PDZD7: variants seen among roughly 807,000 people sequenced by gnomAD.
The protein encoded by PDZD7 is PDZ domain-containing protein 7.
In PDZD7, 72 loss-of-function variants were observed where a neutral mutation model predicts 84.7. That is an observed-to-expected ratio of 0.85 (90% CI 0.70 to 1.03). The LOEUF (loss-of-function observed/expected upper bound fraction) is 1.03, where lower values mean the gene tolerates loss of function less well. Ranked by LOEUF, PDZD7 falls within the 50% of genes least tolerant of loss-of-function variation. The pLI, the probability that PDZD7 is intolerant of heterozygous loss-of-function variation, is 0.00. For synonymous variants in PDZD7, 594 were observed against 580.7 expected (o/e 1.02, Z -0.33); for missense variants, 1,490 against 1,412.9 (o/e 1.05, Z -0.87).
At chr10:101,028,136 C>T (rs1308991408) in intron 2 of PDZD7, among the ~76,000 whole-genome samples, 1 of 152,154 alleles carries the variant, frequency 6.6e-6, no homozygotes, top group Non-Finnish European at 1.5e-5. Context: ...GAATTCTGAG[C>T]TCAGAGGGTC....
At chr10:101,026,816 TG>T (rs1382918052) in intron 2 of PDZD7, among the ~76,000 whole-genome samples, 1 of 151,362 alleles carries the variant, frequency 6.6e-6, no homozygotes, top group Non-Finnish European at 1.5e-5. Context: ...AGGACAGATG[TG>T]GGGGGCCAGG....
intron 2 of PDZD7, among the ~76,000 whole-genome samples, chr10:101,026,462 T>C (rs149438508): frequency 0.012 from 1,018 of 82,394 alleles, 11 homozygotes; most frequent in African/African-American, 0.044. Context: ...AGGACTCTGA[T>C]GGGTGGGATT....
In PDZD7 at chr10:101,024,187, A is replaced by T. The variant is rs1937586464; in HGVS notation, c.227-119T>A. 46 of 1,415,380 alleles carry T rather than the reference A, an allele frequency of 3.3e-5. No homozygotes were observed. In the South Asian group the frequency reaches 5.4e-4, roughly 16 times the overall value. The allele number at this position is 1,415,380 out of a possible 1,614,324, so 87.7% of individuals were successfully genotyped here. A position where few individuals can be genotyped will look rare whatever the true frequency, so the allele number is the denominator to read the frequency against. Reference sequence around the variant, plus strand: ...GCTGGGCACAGTCACACAGGCACGTAGGGGCCTAAATGCAGTGGGGCAGGT... The same window carrying T: ...GCTGGGCACAGTCACACAGGCACGTTGGGGCCTAAATGCAGTGGGGCAGGT... On this transcript the variant is annotated intron_variant, in intron 2 of 16. Transcript: ENST00000619208.
rs539301115 is a variant in PDZD7, at chr10:101,015,637, C to T, written c.1748G>A (p.Arg583Gln). 91 of 1,550,322 alleles carry T rather than the reference C, an allele frequency of 5.9e-5. No homozygotes were observed. Among genetic ancestry groups the T allele is most frequent in the East Asian group, 2.2e-4 (9 of 40,910 alleles). The change falls in exon 11 of 17, where the codon CGG becomes CAG. Residue 583 changes from arginine (R) to glutamine (Q), a missense_variant and splice_region_variant. Arg to Gln is a conservative substitution (Grantham distance 43). Transcript: ENST00000619208. ...EVLAVTRHCSRYVHEGGIEDL... is the reference protein window; with the variant it reads ...EVLAVTRHCSQYVHEGGIEDL... ...GCTGCGGATGGGATGAAGGCTTACC[C>T]GGGAGCAGTGGCGGGTGACAGCCAG...
intron 15 of PDZD7, 90 bp from the exon 16 acceptor site, chr10:101,009,440 C>T: frequency 9.7e-7 from 1 of 1,028,288 alleles, no homozygotes; most frequent in Non-Finnish European, 1.5e-6. Context: ...TCCCCAAATC[C>T]AAGGCCCCAA....
rs1223329870 is a variant in PDZD7, at chr10:101,029,925, T to C, written c.226+69A>G. The C allele has an allele frequency of 5.3e-6, 8 of 1,504,732 alleles. No homozygotes were observed. The East Asian group carries it at 1.8e-4, about 34-fold the overall frequency. The allele number at this position is 1,504,732 out of a possible 1,614,324, so 93.2% of individuals were successfully genotyped here. A position where few individuals can be genotyped will look rare whatever the true frequency, so the allele number is the denominator to read the frequency against. The stretch of plus-strand genomic sequence containing the variant: ...CAATCATACTGGCTCTGCCTCCTCC[T>C]GCTGAGTTCCCATTGTCCCCTACCC... On this transcript the variant is annotated intron_variant, in intron 2 of 16. Coordinates refer to ENST00000619208, the MANE Select transcript of PDZD7 (RefSeq NM_001195263.2).
rs1211492964 is a variant in PDZD7, at chr10:101,010,668, CG to C, written c.2220del (p.Val741TrpfsTer12). The C allele has an allele frequency of 3.5e-6, 5 of 1,414,784 alleles. No individual in the cohort carries two copies. The highest frequency in any genetic ancestry group is 2.7e-5 in the East Asian group (1 of 36,916). The allele number at this position is 1,414,784 out of a possible 1,614,324, so 87.6% of individuals were successfully genotyped here. ...IACTPPPQLP[P>X]VAPRPLRPNW... ...TTAGGCCGCAGGGGCCGGGGAGCCA[CG>C]GGGGGTAGCTGGGGAGGGGGTGTGC... On this transcript the variant is annotated frameshift_variant, in exon 15 of 17. Coordinates refer to ENST00000619208, the MANE Select transcript of PDZD7 (RefSeq NM_001195263.2). LOFTEE classifies it high-confidence loss of function.
At chr10:101,027,354 C>T (rs1215101342) in intron 2 of PDZD7, among the ~76,000 whole-genome samples, 4 of 151,528 alleles carry the variant, frequency 2.6e-5, no homozygotes, top group African/African-American at 9.7e-5. Context: ...GCCTGCAGTG[C>T]TCCTGCCCAG....
At position 101,021,718 on chromosome 10, in the gene PDZD7, A is replaced by G. The variant is rs1281345748; in HGVS notation, c.867+80T>C. 8.8e-6 allele frequency: 14 copies of G among 1,593,068 alleles called. No homozygotes were observed. The African/African-American group carries it at 1.9e-4, about 21-fold the overall frequency. Reference sequence around the variant, plus strand: ...TGGCTGTGGGAACGTCATAAATTGCAGAGCATTATTAAGAACTAGGGTGGT... The same window carrying G: ...TGGCTGTGGGAACGTCATAAATTGCGGAGCATTATTAAGAACTAGGGTGGT... On this transcript the variant is annotated intron_variant, in intron 6 of 16. Transcript: ENST00000619208.
intron 9 of PDZD7, 86 bp downstream of exon 9, chr10:101,018,013 C>T (rs977707351): frequency 3.2e-6 from 5 of 1,544,118 alleles, no homozygotes; most frequent in African/African-American, 1.4e-5. Flanking sequence ...TGGTAAGACG[C>T]GGTGTGGGAT....
intron 2 of PDZD7, among the ~76,000 whole-genome samples, chr10:101,025,628 A>T (rs1937642046): frequency 6.7e-6 from 1 of 149,826 alleles, no homozygotes; most frequent in South Asian, 2.1e-4. Context: ...GCTCACTGCA[A>T]GCTCCACCTC....
In PDZD7 at chr10:101,010,357, A is replaced by G. The variant is rs1306603027; in HGVS notation, c.2532T>C (p.Thr844=). Residue 844 remains threonine (T), a synonymous_variant, in exon 15 of 17, where the codon ACT becomes ACC. Transcript: ENST00000619208. ...GAKQGPSESG[T]EGTAKEAAMK... ...TGGCTGCCTCCTTGGCCGTCCCCTC[A>G]GTTCCACTCTCCGAGGGCCCTTGCT... 1 of 1,535,494 alleles carries G rather than the reference A, an allele frequency of 6.5e-7. No individual in the cohort carries two copies. The highest frequency in any genetic ancestry group is 8.7e-7 in the Non-Finnish European group (1 of 1,146,370).
At position 101,023,559 on chromosome 10, in the gene PDZD7, C is replaced by A; in HGVS notation, c.419G>T (p.Ser140Ile). Residue 140 changes from serine (S) to isoleucine (I), a missense_variant, in exon 4 of 17, where the codon AGC becomes ATC. Physicochemically the swap from Ser to Ile is moderately radical, Grantham distance 142. Coordinates refer to ENST00000619208, the MANE Select transcript of PDZD7 (RefSeq NM_001195263.2). ...GDKITEVNGL[S>I]LESTTMGSAV... The stretch of plus-strand genomic sequence containing the variant: ...GCTACCCATGGTGGTGCTCTCCAGG[C>A]TCAGCCCATTCACCTCCGTGATCTT... 2 of 1,614,024 alleles carry A rather than the reference C, an allele frequency of 1.2e-6. No homozygotes were observed. Among genetic ancestry groups the A allele is most frequent in the Admixed American group, 1.7e-5 (1 of 60,030 alleles).
intron 4 of PDZD7, 23 bp downstream of exon 4, chr10:101,023,413 A>G: frequency 6.2e-7 from 1 of 1,613,932 alleles, no homozygotes; most frequent in Non-Finnish European, 8.5e-7. Flanking sequence ...GGCCAGGGCT[A>G]GGATGAGGGA....
intron 14 of PDZD7, chr10:101,011,185 G>C (rs1288836321): frequency 4.3e-6 from 3 of 695,936 alleles, no homozygotes; most frequent in Non-Finnish European, 6.4e-6. Flanking sequence ...GGGATTACAG[G>C]CGTGCACCAA....
At position 101,008,716 on chromosome 10, in the gene PDZD7, C is replaced by G. The variant is rs1338644706; in HGVS notation, c.2853G>C (p.Gly951=). ...EPMELVVRVP[G]PSPRPSPSDS... is the part of the protein sequence containing the mutation. ...CAGAGGGTGAGGGCCGTGGGCTGGG[C>G]CCGGGGACCCTGACCACAAGCTCCA... The change falls in exon 17 of 17, where the codon GGG becomes GGC. Residue 951 remains glycine, a synonymous_variant. Transcript: ENST00000619208. 6.5e-7 allele frequency: 1 copy of G among 1,535,906 alleles called. No individual in the cohort carries two copies. Among genetic ancestry groups the G allele is most frequent in the Non-Finnish European group, 8.7e-7 (1 of 1,146,822 alleles).
chr10:101,009,247 CA>C lies in PDZD7; in HGVS notation c.2718+2del. The C allele has an allele frequency of 6.5e-7, 1 of 1,534,956 alleles. No homozygotes were observed. Among genetic ancestry groups the C allele is most frequent in the Non-Finnish European group, 8.7e-7 (1 of 1,145,846 alleles). On this transcript the variant is annotated splice_donor_variant, in intron 16 of 16. Transcript: ENST00000619208. LOFTEE classifies it high-confidence loss of function. ...AGGGTGGGCCAGGGCATGCTTCACC[CA>C]CCTGCAGGGCCCCACTGAGGAAAGC...
In PDZD7 at chr10:101,021,849, G is replaced by C; in HGVS notation, c.816C>G (p.Ser272Arg). ...GGCCCTTCAGCACCTCCACGGCCTG[G>C]CTGTGGCTGATGTCGTCAAACCTGA... ...NGVRFDDISHSQAVEVLKGQT... is the reference protein window; with the variant it reads ...NGVRFDDISHRQAVEVLKGQT... Residue 272 changes from serine to arginine, a missense_variant, in exon 6 of 17, where the codon AGC (serine) becomes AGG (arginine). Coordinates refer to ENST00000619208, the MANE Select transcript of PDZD7 (RefSeq NM_001195263.2). 1 of 1,614,152 alleles carries C rather than the reference G, an allele frequency of 6.2e-7. No individual in the cohort carries two copies. The highest frequency in any genetic ancestry group is 8.5e-7 in the Non-Finnish European group (1 of 1,180,026).
At chr10:101,030,521 G>A (rs557013829) in intron 1 of PDZD7, 137 bp from the exon 2 acceptor site, 4 of 563,144 alleles carry the variant, frequency 7.1e-6, no homozygotes, top group African/African-American at 5.6e-5. Context: ...CCCTAGGCCA[G>A]AGAACTGCCC....
Sources: allele counts gnomAD v4.1 joint callset (sites outside exome capture counted in the v4.1 genomes callset), GRCh38; gene constraint gnomAD v4.1.1; transcripts MANE v1.5; gene names NCBI Gene and HGNC (gene_info 2026-07-23, HGNC 2026-07-21).